The following WDPCP variants were observed in gnomAD, a reference collection of about 807,000 sequenced individuals.
WDPCP encodes the protein WD repeat-containing and planar cell polarity effector protein fritz homolog.
In WDPCP, 71 loss-of-function variants were observed where a neutral mutation model predicts 93.1. The observed-to-expected ratio is 0.76, with a 90% CI of 0.63 to 0.93. The LOEUF is 0.93. Ranked by LOEUF, WDPCP falls within the 40% of genes least tolerant of loss-of-function variation. The pLI is 0.00. For synonymous variants in WDPCP, 315 were observed against 315.0 expected, an observed-to-expected ratio of 1.00 and a Z score of 0.00; for missense variants, 844 against 887.4, an observed-to-expected ratio of 0.95 and a Z score of 0.62.
At chr2:63,373,253 T>A (rs951691483) in intron 12 of WDPCP, among the ~76,000 whole-genome samples, 2 of 106,332 alleles carry the variant, frequency 1.9e-5, no homozygotes, top group Non-Finnish European at 4.1e-5. Flanking sequence ...ATTTTTTTGT[T>A]GTTTTTTTTT....
intron 13 of WDPCP, among the ~76,000 whole-genome samples, chr2:63,261,059 A>C (rs2104783787): frequency 6.6e-6 from 1 of 152,340 alleles, no homozygotes; most frequent in East Asian, 1.9e-4. Flanking sequence ...TTACAATGTA[A>C]AACAGTGCTT....
Position 63,439,802 on chromosome 2 carries a change from C to T in WDPCP, c.454G>A (p.Asp152Asn), listed in dbSNP as rs562112451. ...SGPQLEKVVI[D>N]RSLVGKLISD... Reference sequence around the variant, plus strand: ...ATGAGCTTCCCCACCAGGCTTCTGTCAATCACCACTTTCTCCAGCTGCGGC... The same window carrying T: ...ATGAGCTTCCCCACCAGGCTTCTGTTAATCACCACTTTCTCCAGCTGCGGC... The change falls in exon 7 of 18, where the codon GAC (aspartate) becomes AAC (asparagine). Residue 152 changes from aspartate (D) to asparagine (N), a missense_variant. Physicochemically the swap from Asp to Asn is conservative, Grantham distance 23. Transcript: ENST00000272321. 3 of 1,613,266 alleles carry T rather than the reference C, an allele frequency of 1.9e-6. No homozygotes were observed. In the South Asian group the frequency reaches 3.3e-5, roughly 18 times the overall value.
intron 2 of WDPCP, among the ~76,000 whole-genome samples, chr2:63,777,211 A>G (rs1364829124): frequency 6.6e-6 from 1 of 152,198 alleles, no homozygotes; most frequent in Non-Finnish European, 1.5e-5. Flanking sequence ...TGTGTCCATT[A>G]AAACTTTTAA....
At chr2:63,727,871 G>C (rs1041786666) in intron 2 of WDPCP, among the ~76,000 whole-genome samples, 17 of 152,088 alleles carry the variant, frequency 1.1e-4, no homozygotes, top group African/African-American at 4.1e-4. Context: ...TGTCCCCTTT[G>C]TCATTGCTGA....
chr2:63,654,455 C>G, intron 2 of WDPCP, among the ~76,000 whole-genome samples: 1 of 152,168 alleles, frequency 6.6e-6, no homozygotes. Context: ...CTGAGATGTC[C>G]ACTGATCAGA....
chr2:63,657,408 G>A (rs905208258), intron 2 of WDPCP, among the ~76,000 whole-genome samples: 25 of 151,892 alleles, frequency 1.6e-4, no homozygotes, highest in Admixed American at 3.3e-4. Flanking sequence ...GGGTTTCACC[G>A]TGTTAGCCCG....
chr2:63,809,720 C>G (rs536320192), intron 2 of WDPCP, among the ~76,000 whole-genome samples: 3 of 151,810 alleles, frequency 2.0e-5, no homozygotes, highest in Non-Finnish European at 4.4e-5. Context: ...GCAGCATGCT[C>G]GTTAAGAGTC....
At chr2:63,826,763 T>C (rs1671119371) in intron 1 of WDPCP, among the ~76,000 whole-genome samples, 1 of 152,158 alleles carries the variant, frequency 6.6e-6, no homozygotes, top group African/African-American at 2.4e-5. Flanking sequence ...TCTTCTACTC[T>C]TTAAAAAATA....
intron 14 of WDPCP, among the ~76,000 whole-genome samples, chr2:63,220,649 C>G (rs1176093268): frequency 6.6e-6 from 1 of 150,686 alleles, no homozygotes; most frequent in Non-Finnish European, 1.5e-5. Flanking sequence ...GTTAAAGTTA[C>G]TATGCAGTGA....
chr2:63,477,715 C>T (rs867201958), intron 6 of WDPCP: 2 of 152,208 alleles, frequency 1.3e-5, no homozygotes, highest in Non-Finnish European at 2.9e-5. Flanking sequence ...CGTGAGTGCC[C>T]GAAGTGTGAA....
intron 2 of WDPCP, among the ~76,000 whole-genome samples, chr2:63,792,128 A>T (rs188590893): frequency 9.1e-4 from 139 of 152,306 alleles, no homozygotes; most frequent in Admixed American, 1.5e-3. Flanking sequence ...TAGTGCAATG[A>T]CATGTGTATT....
chr2:63,292,252 G>T (rs1177747288), intron 13 of WDPCP, among the ~76,000 whole-genome samples: 3 of 152,000 alleles, frequency 2.0e-5, no homozygotes, highest in African/African-American at 7.2e-5. Context: ...TTATGAGAAG[G>T]TTTAAAAAGA....
At chr2:63,602,647 C>A (rs1709445193) in intron 3 of WDPCP, among the ~76,000 whole-genome samples, 1 of 152,020 alleles carries the variant, frequency 6.6e-6, no homozygotes, top group South Asian at 2.1e-4. Context: ...TACAGAATTT[C>A]TTCATCACTC....
At chr2:63,696,282 T>C (rs1021334209) in intron 2 of WDPCP, among the ~76,000 whole-genome samples, 8 of 142,014 alleles carry the variant, frequency 5.6e-5, no homozygotes, top group African/African-American at 1.9e-4. Flanking sequence ...TTCATGGAAG[T>C]GATCCGATCC....
chr2:63,279,962 A>T (rs13020171), intron 13 of WDPCP, among the ~76,000 whole-genome samples: 1 of 152,106 alleles, frequency 6.6e-6, no homozygotes, highest in African/African-American at 2.4e-5. Flanking sequence ...ACAAAATACC[A>T]CTGAAAGAAA....
intron 9 of WDPCP, among the ~76,000 whole-genome samples, chr2:63,426,362 A>T (rs987017668): frequency 7.2e-5 from 11 of 152,124 alleles, no homozygotes; most frequent in African/African-American, 2.7e-4. Context: ...AAAACAAAAC[A>T]AATGGCAGAA....
At chr2:63,836,734 G>C in the WDPCP span, among the ~76,000 whole-genome samples, 1 of 152,032 alleles carries the variant, frequency 6.6e-6, no homozygotes, top group Non-Finnish European at 1.5e-5. Context: ...CAACCTCATG[G>C]GTGTCACCAT....
chr2:63,160,155 A>G (rs1672547637), intron 15 of WDPCP, among the ~76,000 whole-genome samples: 1 of 152,054 alleles, frequency 6.6e-6, no homozygotes, highest in African/African-American at 2.4e-5. Flanking sequence ...TCTACCTAGG[A>G]TTTTTAGCTG....
At chr2:63,496,649 TG>T (rs1244176636) in intron 1 of WDPCP, among the ~76,000 whole-genome samples, 2 of 152,160 alleles carry the variant, frequency 1.3e-5, no homozygotes, top group Non-Finnish European at 2.9e-5. Flanking sequence ...CCAATGGTGG[TG>T]GGAGGACTGA....
Sources: gnomAD v4.1 joint callset for allele counts (sites outside exome capture counted in the v4.1 genomes callset) on GRCh38, gnomAD v4.1.1 for gene constraint, MANE v1.5 for transcripts, NCBI Gene and HGNC (gene_info 2026-07-23, HGNC 2026-07-21) for gene names.